The following GGTA1 variants were observed in gnomAD, a reference collection of about 807,000 sequenced individuals.
The protein encoded by GGTA1 is glycoprotein alpha-galactosyltransferase 1 (inactive).
A neutral mutation model predicts 2.6 loss-of-function variants in GGTA1; 5 were observed. The observed-to-expected ratio is 1.92, with a 90% CI of 1.00 to 4.04. The LOEUF is 4.04. GGTA1 is among the 30% of genes most tolerant of loss of function. GGTA1 has a pLI of 0.00. For missense variants in GGTA1, 50 were observed against 16.7 expected (o/e 2.99, Z -3.47); for synonymous variants, 17 against 5.0 (o/e 3.38, Z -3.19).
chr9:121,498,783 C>T (rs980834280), intron 1 of GGTA1, among the ~76,000 whole-genome samples: 4 of 152,212 alleles, frequency 2.6e-5, no homozygotes, highest in Non-Finnish European at 5.9e-5. Context: ...CTCACACCCT[C>T]CGCGCCTCCC....
chr9:121,453,517 C>T (rs2064889341), downstream of GGTA1, among the ~76,000 whole-genome samples: 1 of 152,218 alleles, frequency 6.6e-6, no homozygotes, highest in Admixed American at 6.5e-5. Flanking sequence ...GCTGCATTTT[C>T]CCCGTTGGGA....
At chr9:121,475,232 C>G (rs1258111579) in intron 1 of GGTA1, among the ~76,000 whole-genome samples, 1 of 152,196 alleles carries the variant, frequency 6.6e-6, no homozygotes, top group Non-Finnish European at 1.5e-5. Flanking sequence ...CTGCTACACT[C>G]CCACCAGCAC....
chr9:121,496,456 C>T (rs572095673), intron 1 of GGTA1, among the ~76,000 whole-genome samples: 6 of 151,874 alleles, frequency 4.0e-5, no homozygotes, highest in Non-Finnish European at 8.8e-5. Flanking sequence ...GTAGGCCGGG[C>T]GTGGTGGCTC....
chr9:121,478,923 C>A, intron 1 of GGTA1: 2 of 383,540 alleles, frequency 5.2e-6, no homozygotes, highest in Non-Finnish European at 1.0e-5. Context: ...GCTCTGCCTC[C>A]ATCCATAACT....
At chr9:121,493,384 G>C (rs559015138) in intron 1 of GGTA1, among the ~76,000 whole-genome samples, 19 of 152,120 alleles carry the variant, frequency 1.2e-4, no homozygotes, top group Non-Finnish European at 2.5e-4. Flanking sequence ...TCATGCCTCA[G>C]TTCTGCTACT....
chr9:121,482,782 T>TA (rs1041021253), intron 1 of GGTA1, among the ~76,000 whole-genome samples: 1 of 150,910 alleles, frequency 6.6e-6, no homozygotes, highest in African/African-American at 2.4e-5. Flanking sequence ...AAAATAAATT[T>TA]AAAAAAATTA....
intron 1 of GGTA1, among the ~76,000 whole-genome samples, chr9:121,481,284 G>A (rs1006799356): frequency 2.6e-5 from 4 of 151,878 alleles, no homozygotes; most frequent in African/African-American, 4.8e-5. Flanking sequence ...GAGAATGAGC[G>A]AGCTACAGCT....
intron 1 of GGTA1, among the ~76,000 whole-genome samples, chr9:121,481,043 C>T (rs1449090845): frequency 2.0e-5 from 3 of 151,560 alleles, no homozygotes; most frequent in African/African-American, 4.9e-5. Context: ...GTCCCAGCAA[C>T]TCGGGAGGCT....
intron 1 of GGTA1, among the ~76,000 whole-genome samples, chr9:121,493,672 AC>A (rs1411691341): frequency 6.9e-6 from 1 of 145,512 alleles, no homozygotes; most frequent in Non-Finnish European, 1.5e-5. Flanking sequence ...TTTCTACCCA[AC>A]CTCTCCACTA....
intron 2 of GGTA1, among the ~76,000 whole-genome samples, 181 bp from the exon 3 acceptor site, chr9:121,463,509 A>G (rs772144450): frequency 9.9e-5 from 15 of 152,094 alleles, no homozygotes; most frequent in Non-Finnish European, 1.8e-4. Context: ...TTTCCACTTC[A>G]GGATCTCAAG....
intron 2 of GGTA1, among the ~76,000 whole-genome samples, chr9:121,466,492 C>T (rs1218285331): frequency 6.6e-6 from 1 of 152,090 alleles, no homozygotes; most frequent in Non-Finnish European, 1.5e-5. Context: ...ATGAGTTGTG[C>T]AGAATGAAAC....
At chr9:121,497,885 G>T (rs750874840) in intron 1 of GGTA1, among the ~76,000 whole-genome samples, 2 of 152,190 alleles carry the variant, frequency 1.3e-5, no homozygotes, top group Non-Finnish European at 2.9e-5. Context: ...CTGGTGGTAA[G>T]AGCTGGGGAA....
chr9:121,458,371 T>C (rs1201320774), intron 5 of GGTA1, among the ~76,000 whole-genome samples: 1 of 150,988 alleles, frequency 6.6e-6, no homozygotes, highest in East Asian at 2.0e-4. Context: ...CTCATGCCTG[T>C]AATCCTAGCA....
chr9:121,499,474 T>G (rs1016938592), intron 1 of GGTA1, among the ~76,000 whole-genome samples, 176 bp downstream of exon 1: 3 of 152,042 alleles, frequency 2.0e-5, no homozygotes, highest in African/African-American at 7.2e-5. Flanking sequence ...TGGGTCCGAT[T>G]TGGCACCGAG....
chr9:121,452,608 T>G (rs1372406513), downstream of GGTA1, among the ~76,000 whole-genome samples: 1 of 152,116 alleles, frequency 6.6e-6, no homozygotes, highest in Non-Finnish European at 1.5e-5. Context: ...AGTCTCTGCC[T>G]CCCAGGTTCA....
In GGTA1 at chr9:121,460,347, A is replaced by G. The variant is rs188822428; in HGVS notation, c.183-128T>C. On this transcript the variant is annotated intron_variant, in intron 4 of 5. Transcript: ENST00000481799. ...GCATGCACTAAGTGAACTGACCAGA[A>G]AAAGGCTCTAGGCACTAAGCGTTTA... The G allele has an allele frequency of 1.8e-3, 682 of 388,804 alleles. 2 individuals are homozygous for G. The highest frequency in any genetic ancestry group is 2.1e-3 in the Non-Finnish European group (410 of 197,056). 24.1% of individuals were successfully genotyped at this position (388,804 alleles called of 1,614,324 possible).
At chr9:121,450,618 C>T (rs1352810608), downstream of GGTA1, among the ~76,000 whole-genome samples, 3 of 152,268 alleles carry the variant, frequency 2.0e-5, no homozygotes, top group East Asian at 3.9e-4. Context: ...CATTGGGCAA[C>T]GTTTTGTTCT....
chr9:121,450,860 G>C (rs1319817761), downstream of GGTA1, among the ~76,000 whole-genome samples: 1 of 152,140 alleles, frequency 6.6e-6, no homozygotes, highest in Non-Finnish European at 1.5e-5. Context: ...AACTTGATTG[G>C]TATTGTTAAT....
intron 1 of GGTA1, among the ~76,000 whole-genome samples, chr9:121,499,080 A>C (rs901657805): frequency 6.6e-6 from 1 of 151,500 alleles, no homozygotes; most frequent in Non-Finnish European, 1.5e-5. Context: ...AGTGTCGGAA[A>C]CTTTCCCCAT....
Sources: gnomAD v4.1 joint callset for allele counts (sites outside exome capture counted in the v4.1 genomes callset) on GRCh38, gnomAD v4.1.1 for gene constraint, MANE v1.5 for transcripts, NCBI Gene and HGNC (gene_info 2026-07-23, HGNC 2026-07-21) for gene names.